The following COL4A3 variants were observed in gnomAD, a reference collection of about 807,000 sequenced individuals.
COL4A3 encodes the protein collagen type IV alpha 3 chain.
In COL4A3, 135 loss-of-function variants were observed where a neutral mutation model predicts 217.4. The ratio of observed to expected loss-of-function variants is 0.62; its 90% CI spans 0.54 to 0.72. The LOEUF (loss-of-function observed/expected upper bound fraction) is 0.72. Among genes scored for constraint, COL4A3 ranks in the 30% least tolerant of loss-of-function variants. COL4A3 has a pLI of 0.00. For synonymous variants in COL4A3, 690 were observed against 736.3 expected (o/e 0.94, Z 1.02); for missense variants, 1,868 against 2,119.9 (o/e 0.88, Z 2.33).
intron 1 of COL4A3, among the ~76,000 whole-genome samples, chr2:227,236,163 T>C (rs2068686479): frequency 6.6e-6 from 1 of 152,230 alleles, no homozygotes; most frequent in Non-Finnish European, 1.5e-5. Context: ...GCATCTGGGC[T>C]GGTTCCAGAT....
chr2:227,227,060 A>G (rs1052689155), intron 1 of COL4A3, among the ~76,000 whole-genome samples: 1 of 152,246 alleles, frequency 6.6e-6, no homozygotes, highest in African/African-American at 2.4e-5. Flanking sequence ...ATTTTGTTTC[A>G]ACCATGAAAA....
intron 1 of COL4A3, among the ~76,000 whole-genome samples, chr2:227,195,079 G>C (rs886457296): frequency 2.0e-5 from 3 of 152,068 alleles, no homozygotes; most frequent in African/African-American, 7.2e-5. Context: ...ATTGTTATAA[G>C]TGAATTTTTT....
intron 1 of COL4A3, among the ~76,000 whole-genome samples, chr2:227,222,122 CTAATAATAATAATAATAATAA>C (rs367763401): frequency 1.9e-5 from 2 of 105,254 alleles, no homozygotes; most frequent in African/African-American, 6.6e-5. Context: ...GACACTGTCT[CTAATAATAATAATAATAATAA>C]TAATAATAAT....
chr2:227,290,956 C>T (rs2072662389), intron 37 of COL4A3, 70 bp downstream of exon 37: 1 of 1,531,688 alleles, frequency 6.5e-7, no homozygotes, highest in African/African-American at 1.4e-5. Flanking sequence ...CAACAAGTAC[C>T]CAGATTCGGT....
chr2:227,186,841 T>A (rs964921796), intron 1 of COL4A3, among the ~76,000 whole-genome samples: 1 of 150,182 alleles, frequency 6.7e-6, no homozygotes, highest in Non-Finnish European at 1.5e-5. Flanking sequence ...CTCACAATTC[T>A]GGAGGCTGGG....
At chr2:227,267,858 G>A (rs2071002536) in intron 23 of COL4A3, among the ~76,000 whole-genome samples, 1 of 151,228 alleles carries the variant, frequency 6.6e-6, no homozygotes, top group African/African-American at 2.4e-5. Context: ...TGAGTCACAA[G>A]CCTTCTCTTG....
chr2:227,283,906 A>G, intron 33 of COL4A3, 50 bp downstream of exon 33: 2 of 1,483,048 alleles, frequency 1.3e-6, no homozygotes, highest in Non-Finnish European at 1.9e-6. Flanking sequence ...AACAATGTTC[A>G]TTTATTTTGC....
intron 2 of COL4A3, among the ~76,000 whole-genome samples, chr2:227,238,630 C>A (rs1177365373): frequency 6.6e-6 from 1 of 152,106 alleles, no homozygotes; most frequent in East Asian, 1.9e-4. Context: ...CTTTGTTTAC[C>A]AAACCCTTTC....
chr2:227,282,422 C>G lies in COL4A3; in HGVS notation c.2546C>G (p.Ser849Ter), dbSNP rs2072043249. ...CCAGGAATTCCAGGCTTGGATAGAT[C>G]AGGATTTCCTGGAGAAACTGGATCA... ...GDPGIPGLDR[S>*]GFPGETGSPG... Residue 849 changes from serine (S) to a stop codon, truncating the protein, a stop_gained, in exon 32 of 52, where the codon TCA (serine) becomes TGA (stop). Coordinates refer to ENST00000396578, the MANE Select transcript of COL4A3 (RefSeq NM_000091.5). LOFTEE classifies it high-confidence loss of function. The surrounding 1 kb of genome is among the most constrained non-coding windows in gnomAD (Gnocchi z 4.4). 2 of 1,613,750 alleles carry G rather than the reference C, an allele frequency of 1.2e-6. No individual in the cohort carries two copies. Among genetic ancestry groups the G allele is most frequent in the African/African-American group, 2.7e-5 (2 of 74,894 alleles).
In COL4A3 at chr2:227,269,968, TC is replaced by T. The variant is rs764147728; in HGVS notation, c.1565del (p.Pro522GlnfsTer55). 1.2e-6 allele frequency: 2 copies of T among 1,613,334 alleles called. No individual in the cohort carries two copies. The highest frequency in any genetic ancestry group is 2.2e-5 in the South Asian group (2 of 91,042). On this transcript the variant is annotated frameshift_variant, in exon 24 of 52. Transcript: ENST00000396578. LOFTEE classifies it high-confidence loss of function. ...CAGGGTCCCCAGGAAATACAGGTCT[TC>T]CAGGATTTCCAGTAAGATTTCATGT... The part of the protein sequence containing the change: ...SPGSPGNTGL[P>X]GFPGFPGAQG...
intron 1 of COL4A3, among the ~76,000 whole-genome samples, chr2:227,168,843 C>G (rs2065369708): frequency 6.6e-6 from 1 of 152,006 alleles, no homozygotes; most frequent in Admixed American, 6.5e-5. Flanking sequence ...ATCGTCCCAA[C>G]ATTTTCAATC....
chr2:227,212,339 T>C (rs2067358589), intron 1 of COL4A3, among the ~76,000 whole-genome samples: 1 of 152,206 alleles, frequency 6.6e-6, no homozygotes, highest in Non-Finnish European at 1.5e-5. Context: ...TTTTTAATGA[T>C]ATCTTTCCCT....
Position 227,272,938 on chromosome 2 carries a change from T to C in COL4A3, c.1759-11T>C, listed in dbSNP as rs1433223189. On this transcript the variant is annotated splice_polypyrimidine_tract_variant and intron_variant, in intron 25 of 51. Coordinates refer to ENST00000396578, the MANE Select transcript of COL4A3 (RefSeq NM_000091.5). ...ATGAAGCACGATTCAAACACATTCC[T>C]GTTGTCACAGGCTCTGAGTGGTGAG... The C allele has an allele frequency of 1.2e-6, 2 of 1,614,002 alleles. No individual in the cohort carries two copies. Among genetic ancestry groups the C allele is most frequent in the Non-Finnish European group, 1.7e-6 (2 of 1,179,918 alleles).
intron 1 of COL4A3, among the ~76,000 whole-genome samples, chr2:227,177,458 T>G (rs2065720497): frequency 6.6e-6 from 1 of 152,170 alleles, no homozygotes; most frequent in Admixed American, 6.5e-5. Context: ...CCTGGCCTAT[T>G]TTTCTAAATA....
chr2:227,173,670 C>T (rs113510243), intron 1 of COL4A3, among the ~76,000 whole-genome samples: 7,537 of 152,176 alleles, frequency 0.05, 232 homozygotes, highest in Admixed American at 0.087. Flanking sequence ...AATTTAATAT[C>T]TTCTAGTAGC....
At chr2:227,204,107 G>T (rs866139585) in intron 1 of COL4A3, among the ~76,000 whole-genome samples, 1 of 152,054 alleles carries the variant, frequency 6.6e-6, no homozygotes, top group South Asian at 2.1e-4. Context: ...TTAATAATTC[G>T]TAGTAGACCT....
intron 31 of COL4A3, 51 bp downstream of exon 31, chr2:227,281,057 C>A: frequency 8.9e-7 from 1 of 1,126,022 alleles, no homozygotes; most frequent in Non-Finnish European, 1.3e-6. Flanking sequence ...AGACATGAGA[C>A]TCCTGCTCTG....
intron 1 of COL4A3, among the ~76,000 whole-genome samples, chr2:227,171,309 T>G (rs1003883973): frequency 7.2e-5 from 11 of 152,230 alleles, no homozygotes; most frequent in Non-Finnish European, 8.8e-5. Context: ...CTGAACTTTA[T>G]GTATGTAGAT....
intron 1 of COL4A3, among the ~76,000 whole-genome samples, chr2:227,226,678 C>G (rs1378533390): frequency 6.6e-6 from 1 of 152,202 alleles, no homozygotes; most frequent in Non-Finnish European, 1.5e-5. Context: ...CCCAGTTGGC[C>G]AGGCTGGCCT....
Sources: allele counts gnomAD v4.1 joint callset (sites outside exome capture counted in the v4.1 genomes callset), GRCh38; gene constraint gnomAD v4.1.1; non-coding constraint Gnocchi (gnomAD v3.1); transcripts MANE v1.5; gene names NCBI Gene and HGNC (gene_info 2026-07-23, HGNC 2026-07-21).